BLK: variants seen among roughly 807,000 people sequenced by gnomAD.
BLK encodes BLK proto-oncogene, Src family tyrosine kinase.
A neutral mutation model predicts 61.8 loss-of-function variants in BLK; 64 were observed. The observed-to-expected ratio is 1.03, with a 90% CI of 0.85 to 1.27. The LOEUF is 1.27. Among genes scored for constraint, BLK ranks in the 50% most tolerant of loss-of-function variants. The probability of loss-of-function intolerance (pLI) is 0.00; values close to 1 mark genes in which losing one functional copy is unlikely to be tolerated. For missense variants in BLK, 853 were observed against 660.5 expected, an observed-to-expected ratio of 1.29 and a Z score of -3.19; for synonymous variants, 351 against 272.0, an observed-to-expected ratio of 1.29 and a Z score of -2.86.
chr8:11,554,971 C>T (rs1801128827), intron 7 of BLK, 82 bp downstream of exon 7: 1 of 1,551,722 alleles, frequency 6.4e-7, no homozygotes, highest in South Asian at 1.2e-5. Flanking sequence ...TTGTGTGAGT[C>T]ATTGGTGCCA....
intron 3 of BLK, among the ~76,000 whole-genome samples, chr8:11,547,009 C>T (rs1800678197): frequency 6.6e-6 from 1 of 152,248 alleles, no homozygotes; most frequent in African/African-American, 2.4e-5. Context: ...CTTCCCGCAG[C>T]CTCCTCATCA....
chr8:11,547,544 C>G (rs1323062133), intron 3 of BLK, among the ~76,000 whole-genome samples: 1 of 152,214 alleles, frequency 6.6e-6, no homozygotes, highest in Non-Finnish European at 1.5e-5. Context: ...GGCTGGGGCT[C>G]TGGGCACAGA....
At chr8:11,528,802 G>A (rs1257747169) in intron 1 of BLK, among the ~76,000 whole-genome samples, 1 of 151,978 alleles carries the variant, frequency 6.6e-6, no homozygotes, top group African/African-American at 2.4e-5. Context: ...CCTTTGCATG[G>A]AAGTGGATGG....
At position 11,546,128 on chromosome 8, in the gene BLK, G is replaced by C; in HGVS notation, c.175+25G>C. 1.9e-6 allele frequency: 3 copies of C among 1,613,834 alleles called. No homozygotes were observed. The South Asian group carries it at 3.3e-5, about 18-fold the overall frequency. ...GGTAAGAAGGGTGGTTTGGGAAGCT[G>C]AGGCTCCACAGCCCTCTCCCCTAGG... is the stretch of plus-strand genomic sequence containing the variant. On this transcript the variant is annotated intron_variant, in intron 3 of 12. Coordinates refer to ENST00000259089, the MANE Select transcript of BLK (RefSeq NM_001715.3).
chr8:11,559,977 G>A (rs1487732550), intron 10 of BLK: 1 of 377,270 alleles, frequency 2.7e-6, no homozygotes, highest in Admixed American at 3.4e-5. Flanking sequence ...ATATATTTCT[G>A]GTACTGTTCA....
intron 1 of BLK, among the ~76,000 whole-genome samples, chr8:11,527,242 C>T (rs1039078185): frequency 2.6e-5 from 4 of 152,166 alleles, no homozygotes; most frequent in African/African-American, 9.7e-5. Flanking sequence ...TTTTAAAAGT[C>T]ACCTCTAAGG....
intron 3 of BLK, among the ~76,000 whole-genome samples, chr8:11,547,006 C>A (rs969510682): frequency 6.6e-6 from 1 of 152,250 alleles, no homozygotes; most frequent in Admixed American, 6.5e-5. Flanking sequence ...TGACTTCCCG[C>A]AGCCTCCTCA....
At position 11,556,605 on chromosome 8, in the gene BLK, C is replaced by T. The variant is rs1045402609; in HGVS notation, c.773-53C>T. The T allele has an allele frequency of 1.5e-5, 24 of 1,612,220 alleles. No homozygotes were observed. The African/African-American group carries it at 2.5e-4, about 17-fold the overall frequency. ...ACCCCGATTTTGGTTAAGGGATCACCTCCGAGCAAGCTCTCTGTCTTCTGA... is the reference window on the plus strand; with the variant it reads ...ACCCCGATTTTGGTTAAGGGATCACTTCCGAGCAAGCTCTCTGTCTTCTGA... On this transcript the variant is annotated intron_variant, in intron 8 of 12. Transcript: ENST00000259089.
chr8:11,535,262 A>AAGAG (rs1273261354), intron 1 of BLK, among the ~76,000 whole-genome samples: 1 of 12,918 alleles, frequency 7.7e-5, no homozygotes, highest in African/African-American at 3.5e-4. Flanking sequence ...AGAAAGAAAG[A>AAGAG]AGAAAGAAAG....
chr8:11,505,045 T>C (rs1327451825), intron 1 of BLK, among the ~76,000 whole-genome samples: 1 of 151,686 alleles, frequency 6.6e-6, no homozygotes, highest in Non-Finnish European at 1.5e-5. Context: ...CACCCACACA[T>C]ATACACACAT....
chr8:11,540,619 C>G (rs1310760540), intron 1 of BLK, among the ~76,000 whole-genome samples: 1 of 151,990 alleles, frequency 6.6e-6, no homozygotes, highest in Non-Finnish European at 1.5e-5. Context: ...CTACATAAAA[C>G]TATGGCAACA....
intron 1 of BLK, among the ~76,000 whole-genome samples, chr8:11,498,570 A>G (rs1303899296): frequency 6.6e-6 from 1 of 152,216 alleles, no homozygotes; most frequent in East Asian, 1.9e-4. Flanking sequence ...CAGACAAAGC[A>G]GCCACATCTG....
intron 1 of BLK, among the ~76,000 whole-genome samples, chr8:11,503,752 C>G (rs13275864): frequency 0.41 from 62,045 of 151,992 alleles, 13,997 homozygotes; most frequent in Non-Finnish European, 0.52. Context: ...GAAGAGGTCA[C>G]TCTGTCCTCT....
chr8:11,528,405 A>G (rs1799759055), intron 1 of BLK, among the ~76,000 whole-genome samples: 1 of 152,232 alleles, frequency 6.6e-6, no homozygotes, highest in South Asian at 2.1e-4. Flanking sequence ...ATGGCCAGCA[A>G]TGACCAAGGA....
chr8:11,545,990 C>A (rs765904855), intron 2 of BLK, 62 bp from the exon 3 acceptor site: 2 of 1,570,494 alleles, frequency 1.3e-6, no homozygotes, highest in South Asian at 1.1e-5. Context: ...GCAGTCTCAA[C>A]CCCCAGGCCC....
chr8:11,496,137 C>A (rs1405555814), intron 1 of BLK, among the ~76,000 whole-genome samples: 1 of 152,178 alleles, frequency 6.6e-6, no homozygotes, highest in Non-Finnish European at 1.5e-5. Context: ...CTACCTGATT[C>A]CAGAATAGCT....
chr8:11,531,189 G>A (rs1005787226), intron 1 of BLK, among the ~76,000 whole-genome samples: 4 of 152,092 alleles, frequency 2.6e-5, no homozygotes, highest in African/African-American at 9.7e-5. Context: ...CTTTTATAGA[G>A]TTTAAAAGTT....
rs567322635 is a variant in BLK, at chr8:11,548,948, G to C, written c.270-76G>C. On this transcript the variant is annotated intron_variant, in intron 4 of 12. Transcript: ENST00000259089. ...CTGCCCTCCAGGGAGAGATGACTTT[G>C]AGGAGGCCTGAGAGCTGCCCAGTGA... 13 of 1,312,542 alleles carry C rather than the reference G, an allele frequency of 9.9e-6. No individual in the cohort carries two copies. In the East Asian group the frequency reaches 2.2e-4, roughly 22 times the overall value. The allele number at this position is 1,312,542 out of a possible 1,614,324, so 81.3% of individuals were successfully genotyped here.
chr8:11,532,496 C>T (rs898989395), intron 1 of BLK, among the ~76,000 whole-genome samples: 1 of 152,074 alleles, frequency 6.6e-6, no homozygotes, highest in Admixed American at 6.5e-5. Flanking sequence ...CAGGCATGAG[C>T]CGCCACTTCT....
Sources: gnomAD v4.1 joint callset for allele counts (sites outside exome capture counted in the v4.1 genomes callset) on GRCh38, gnomAD v4.1.1 for gene constraint, MANE v1.5 for transcripts, NCBI Gene and HGNC (gene_info 2026-07-23, HGNC 2026-07-21) for gene names.